Variants in FBXL2 observed in about 807,000 individuals in gnomAD.
The protein encoded by FBXL2 is F-box/LRR-repeat protein 2.
In FBXL2, 38 loss-of-function variants were observed where a neutral mutation model predicts 69.2. The observed-to-expected ratio is 0.55, with a 90% confidence interval of 0.42 to 0.72. The LOEUF is 0.72. Among genes scored for constraint, FBXL2 ranks in the 30% least tolerant of loss-of-function variants. The probability of loss-of-function intolerance (pLI) is 0.00; values close to 1 mark genes in which losing one functional copy is unlikely to be tolerated. For missense variants in FBXL2, 354 were observed against 520.3 expected (o/e 0.68, Z 3.11); for synonymous variants, 192 against 201.3 (o/e 0.95, Z 0.39).
intron 2 of FBXL2, among the ~76,000 whole-genome samples, chr3:33,311,138 AATTTGCTG>A (rs1477664626): frequency 2.0e-5 from 3 of 152,136 alleles, no homozygotes; most frequent in Non-Finnish European, 4.4e-5. Flanking sequence ...TCTGCTAAGA[AATTTGCTG>A]ATAAGTGTAT....
At chr3:33,326,253 C>T (rs936969056) in intron 2 of FBXL2, among the ~76,000 whole-genome samples, 23 of 152,228 alleles carry the variant, frequency 1.5e-4, no homozygotes, top group Admixed American at 9.8e-4. Context: ...GTAATCCCAG[C>T]ACTTTGGGAG....
chr3:33,351,137 G>A (rs147555535), intron 2 of FBXL2, among the ~76,000 whole-genome samples: 4 of 151,944 alleles, frequency 2.6e-5, no homozygotes, highest in African/African-American at 9.7e-5. Flanking sequence ...CATGGTGGTG[G>A]TAGCTGTAAT....
intron 1 of FBXL2, among the ~76,000 whole-genome samples, chr3:33,282,151 G>GT (rs1194171704): frequency 6.6e-6 from 1 of 152,114 alleles, no homozygotes; most frequent in East Asian, 1.9e-4. Context: ...TATTGCCTAG[G>GT]TTTTCTTCTA....
At chr3:33,380,699 G>C (rs1281718626) in intron 13 of FBXL2, among the ~76,000 whole-genome samples, 1 of 151,834 alleles carries the variant, frequency 6.6e-6, no homozygotes, top group Non-Finnish European at 1.5e-5. Context: ...GTCTTTCTCT[G>C]TCCCTCTCCT....
chr3:33,340,895 CA>C (rs67092664), intron 2 of FBXL2, among the ~76,000 whole-genome samples: 12,373 of 86,672 alleles, frequency 0.14, 378 homozygotes, highest in Middle Eastern at 0.19. Context: ...TTCCTTTGCC[CA>C]AAAAAAAAAA....
intron 1 of FBXL2, among the ~76,000 whole-genome samples, chr3:33,289,113 C>T (rs2034960121): frequency 6.6e-6 from 1 of 152,066 alleles, no homozygotes; most frequent in South Asian, 2.1e-4. Context: ...TTGGAAGAGA[C>T]TTCGAGTTTA....
At chr3:33,360,629 G>A (rs1376573728) in intron 4 of FBXL2, among the ~76,000 whole-genome samples, 1 of 152,102 alleles carries the variant, frequency 6.6e-6, no homozygotes, top group Non-Finnish European at 1.5e-5. Context: ...AGACTTAACA[G>A]CAGTGATTAC....
chr3:33,392,365 G>A, downstream of FBXL2: 1 of 480,602 alleles, frequency 2.1e-6, no homozygotes. Flanking sequence ...TTTTTTTCCA[G>A]TCATCTAGAA....
intron 12 of FBXL2, among the ~76,000 whole-genome samples, chr3:33,398,937 C>G (rs924754879): frequency 1.3e-5 from 2 of 152,164 alleles, no homozygotes; most frequent in African/African-American, 4.8e-5. Context: ...AAAATGTAGT[C>G]CCCAGCTAGC....
chr3:33,386,375 C>T lies in FBXL2; in HGVS notation c.*767C>T, dbSNP rs1307415135. The T allele has an allele frequency of 6.6e-6, 1 of 152,182 alleles. No homozygotes were observed. Among genetic ancestry groups the T allele is most frequent in the African/African-American group, 2.4e-5 (1 of 41,412 alleles). The allele number at this position is 152,182 out of a possible 1,614,324, so 9.4% of individuals were successfully genotyped here. ...CTAAAGGAAAAAAGCTAATTATGTC[C>T]ATGCCTCTCGTAAAACTGGGGGGAA... On this transcript the variant is annotated 3_prime_UTR_variant, in exon 15 of 15. Coordinates refer to ENST00000484457, the MANE Select transcript of FBXL2 (RefSeq NM_012157.5).
chr3:33,409,500 T>C, the FBXL2 span: 1 of 1,614,114 alleles, frequency 6.2e-7, no homozygotes, highest in South Asian at 1.1e-5. Context: ...CTGTGTATTC[T>C]CCATTTTCAT....
At chr3:33,414,395 CAT>C in the FBXL2 span, among the ~76,000 whole-genome samples, 4 of 152,020 alleles carry the variant, frequency 2.6e-5, no homozygotes, top group Non-Finnish European at 4.4e-5. Context: ...GAACTAGCAA[CAT>C]GTGATGGGGC....
chr3:33,378,290 G>GCCAT (rs2154050556), intron 12 of FBXL2, 143 bp downstream of exon 12: 1 of 823,976 alleles, frequency 1.2e-6, no homozygotes, highest in East Asian at 2.6e-5. Context: ...ACCTGTGAAG[G>GCCAT]CCATGGCAGT....
chr3:33,319,995 A>G (rs1434308839), intron 2 of FBXL2, among the ~76,000 whole-genome samples: 1 of 152,198 alleles, frequency 6.6e-6, no homozygotes, highest in Non-Finnish European at 1.5e-5. Context: ...AATAAGTTTC[A>G]AGAAATATAT....
rs137975913 is a variant in FBXL2 at position 33,380,427 on chromosome 3, A to G, written c.951+1686A>G. ...CAAAAAATTAGCCAGGCATGGTGGCACATGCCTATAATCCCAGCTACTAGG... is the reference window on the plus strand; with the variant it reads ...CAAAAAATTAGCCAGGCATGGTGGCGCATGCCTATAATCCCAGCTACTAGG... On this transcript the variant is annotated intron_variant, in intron 13 of 14. Transcript: ENST00000484457. 1.6e-3 allele frequency among the ~76,000 whole-genome samples: 236 copies of G among 151,628 alleles called. 2 individuals carry two copies. The highest frequency in any genetic ancestry group is 4.2e-3 in the African/African-American group (173 of 41,344).
chr3:33,346,104 G>A (rs1023462725), intron 2 of FBXL2, among the ~76,000 whole-genome samples: 1 of 152,112 alleles, frequency 6.6e-6, no homozygotes, highest in Non-Finnish European at 1.5e-5. Flanking sequence ...ACAGGTGCTT[G>A]TAATCCCAGC....
intron 2 of FBXL2, among the ~76,000 whole-genome samples, chr3:33,326,618 A>G (rs1010583423): frequency 6.6e-6 from 1 of 152,200 alleles, no homozygotes; most frequent in African/African-American, 2.4e-5. Flanking sequence ...ACTTTTGCTT[A>G]AAGAACACAT....
In FBXL2 at chr3:33,287,140, C is replaced by T. The variant is rs536811713; in HGVS notation, c.3+9625C>T. 1.2e-4 allele frequency among the ~76,000 whole-genome samples: 19 copies of T among 152,282 alleles called. No individual in the cohort carries two copies. In the South Asian group the frequency reaches 3.1e-3, roughly 25 times the overall value. ...CTATAGACTGGAGCTGTTCCCATTC[C>T]GCCATCTTGGAACCTCCCACCCTAA... On this transcript the variant is annotated intron_variant, in intron 1 of 14. Transcript: ENST00000484457.
intron 2 of FBXL2, among the ~76,000 whole-genome samples, chr3:33,338,722 A>G (rs2039778498): frequency 6.6e-6 from 1 of 152,242 alleles, no homozygotes. Flanking sequence ...CTGGCTAGCC[A>G]TATACATAAG....
Sources: gnomAD v4.1 joint callset for allele counts (sites outside exome capture counted in the v4.1 genomes callset) on GRCh38, gnomAD v4.1.1 for gene constraint, MANE v1.5 for transcripts, NCBI Gene and HGNC (gene_info 2026-07-23, HGNC 2026-07-21) for gene names.